TBC1D8: variants seen among roughly 807,000 people sequenced by gnomAD.
The protein encoded by TBC1D8 is TBC1 domain family member 8, also known as BUB2-like protein 1.
In TBC1D8, 65 loss-of-function variants were observed where a neutral mutation model predicts 118.8. The observed-to-expected ratio is 0.55, with a 90% CI of 0.45 to 0.67. TBC1D8 has a LOEUF of 0.67. Among genes scored for constraint, TBC1D8 ranks in the 30% least tolerant of loss-of-function variants. The pLI is 0.00. For missense variants in TBC1D8, 1,376 were observed against 1,471.2 expected, an observed-to-expected ratio of 0.94 and a Z score of 1.06; for synonymous variants, 566 against 595.8, an observed-to-expected ratio of 0.95 and a Z score of 0.73.
chr2:101,051,607 A>G (rs1203907631), intron 4 of TBC1D8, among the ~76,000 whole-genome samples: 1 of 152,206 alleles, frequency 6.6e-6, no homozygotes, highest in African/African-American at 2.4e-5. Flanking sequence ...ACACATTTAC[A>G]AGAAAAAAAC....
chr2:101,060,097 A>T (rs548041133), intron 2 of TBC1D8, among the ~76,000 whole-genome samples: 25 of 152,354 alleles, frequency 1.6e-4, no homozygotes, highest in African/African-American at 5.8e-4. Context: ...CAAGTGAGTT[A>T]CCGCTGGGAC....
chr2:101,078,908 G>GC (rs1675056762), intron 2 of TBC1D8, among the ~76,000 whole-genome samples: 1 of 151,996 alleles, frequency 6.6e-6, no homozygotes, highest in African/African-American at 2.4e-5. Context: ...ATCACTACCA[G>GC]CCCCAGGCAA....
At chr2:101,008,312 G>A (rs765994134) in intron 19 of TBC1D8, 39 bp from the exon 20 acceptor site, 3 of 1,456,272 alleles carry the variant, frequency 2.1e-6, no homozygotes, top group Admixed American at 5.2e-5. Flanking sequence ...GCAGAACCAG[G>A]GTGGAAGTGT....
intron 2 of TBC1D8, among the ~76,000 whole-genome samples, chr2:101,065,917 G>A (rs1476735801): frequency 6.6e-6 from 1 of 152,134 alleles, no homozygotes; most frequent in East Asian, 1.9e-4. Context: ...TGAAAAATCA[G>A]TAAGTAGAAA....
At chr2:101,028,538 A>C in intron 12 of TBC1D8, 106 bp from the exon 13 acceptor site, 2 of 1,426,360 alleles carry the variant, frequency 1.4e-6, no homozygotes, top group Non-Finnish European at 1.9e-6. Flanking sequence ...AAACACCAAC[A>C]CCTGGGAGGA....
Position 101,032,320 on chromosome 2 carries a change from C to CA in TBC1D8, c.1883dup (p.Leu628PhefsTer6). 6.2e-7 allele frequency: 1 copy of CA among 1,613,868 alleles called. No homozygotes were observed. The highest frequency in any genetic ancestry group is 8.5e-7 in the Non-Finnish European group (1 of 1,179,802). On this transcript the variant is annotated frameshift_variant, in exon 11 of 20. Coordinates refer to ENST00000409318, the MANE Select transcript of TBC1D8 (RefSeq NM_001330348.2). LOFTEE classifies it high-confidence loss of function. ...GCAGCATCCGCTCACACACAGCAAC[C>CA]AACAGCCAGAAGGCTTCCTCCTCCT...
intron 6 of TBC1D8, among the ~76,000 whole-genome samples, chr2:101,038,946 G>A (rs1180184534): frequency 6.6e-6 from 1 of 152,222 alleles, no homozygotes; most frequent in Non-Finnish European, 1.5e-5. Flanking sequence ...GAGCCCCGAG[G>A]GCATTATGCT....
chr2:101,136,972 A>T (rs373558100), intron 1 of TBC1D8, among the ~76,000 whole-genome samples: 1 of 151,540 alleles, frequency 6.6e-6, no homozygotes, highest in Non-Finnish European at 1.5e-5. Flanking sequence ...TCAAGCAAAC[A>T]CTGTTTTTCA....
At chr2:101,021,286 A>G (rs961559817) in intron 17 of TBC1D8, among the ~76,000 whole-genome samples, 1 of 152,214 alleles carries the variant, frequency 6.6e-6, no homozygotes, top group Non-Finnish European at 1.5e-5. Flanking sequence ...TGGAGAAAAC[A>G]TGGTCTGATG....
intron 14 of TBC1D8, 60 bp downstream of exon 14, chr2:101,027,988 C>T (rs945461008): frequency 6.1e-6 from 9 of 1,469,096 alleles, no homozygotes; most frequent in Middle Eastern, 1.7e-4. Context: ...AAAAAGGATG[C>T]GCACTCCCAG....
chr2:101,049,887 C>T (rs1048954721), intron 5 of TBC1D8, among the ~76,000 whole-genome samples: 2 of 150,984 alleles, frequency 1.3e-5, no homozygotes, highest in East Asian at 2.0e-4. Context: ...AGTGCAGTGA[C>T]GGCATCTCAG....
intron 1 of TBC1D8, among the ~76,000 whole-genome samples, chr2:101,095,990 C>T (rs1469661236): frequency 6.6e-6 from 1 of 152,202 alleles, no homozygotes; most frequent in African/African-American, 2.4e-5. Context: ...ACCACACCAA[C>T]AGGCTCCAGT....
intron 2 of TBC1D8, among the ~76,000 whole-genome samples, chr2:101,064,427 G>T (rs76929152): frequency 0.025 from 3,805 of 152,268 alleles, 169 homozygotes; most frequent in African/African-American, 0.087. Context: ...TGTGGAGGGG[G>T]ATGGAGGTGA....
intron 8 of TBC1D8, among the ~76,000 whole-genome samples, 170 bp from the exon 9 acceptor site, chr2:101,036,338 G>T (rs1419007375): frequency 6.6e-6 from 1 of 152,132 alleles, no homozygotes; most frequent in Non-Finnish European, 1.5e-5. Flanking sequence ...CCTTTACTGG[G>T]GGCACAGAGG....
intron 2 of TBC1D8, among the ~76,000 whole-genome samples, chr2:101,081,051 T>A (rs950107837): frequency 6.6e-6 from 1 of 152,208 alleles, no homozygotes; most frequent in Non-Finnish European, 1.5e-5. Context: ...ACTGGGATTA[T>A]GGGAGCAAGC....
At chr2:101,118,696 C>CAAAA (rs36069912) in intron 1 of TBC1D8, among the ~76,000 whole-genome samples, 1 of 80,566 alleles carries the variant, frequency 1.2e-5, no homozygotes. Context: ...AACTCCATCT[C>CAAAA]AAAAAAAAAA....
chr2:101,051,121 G>A lies in TBC1D8; in HGVS notation c.632-480C>T, dbSNP rs531504600. Among the ~76,000 whole-genome samples the A allele has an allele frequency of 5.3e-4, 81 of 152,290 alleles. 1 individual carries two copies. The highest frequency in any genetic ancestry group is 1.9e-3 in the African/African-American group (80 of 41,546). ...TTTTATGGCTGCATAGTATTCCATGGTGTACATGTGCCACATTTTCTTTAT... is the reference window on the plus strand; with the variant it reads ...TTTTATGGCTGCATAGTATTCCATGATGTACATGTGCCACATTTTCTTTAT... On this transcript the variant is annotated intron_variant, in intron 4 of 19. Transcript: ENST00000409318.
intron 1 of TBC1D8, 76 bp from the exon 2 acceptor site, chr2:101,090,440 T>C: frequency 1.3e-6 from 2 of 1,518,530 alleles, no homozygotes; most frequent in Non-Finnish European, 1.8e-6. Context: ...AGGCATGTGG[T>C]CGCTGTCTGG....
At chr2:101,054,850 T>G (rs1281737252) in intron 3 of TBC1D8, among the ~76,000 whole-genome samples, 1 of 150,620 alleles carries the variant, frequency 6.6e-6, no homozygotes, top group Non-Finnish European at 1.5e-5. Flanking sequence ...GCTGGGCTAA[T>G]TTTGTATTTT....
Sources: allele counts gnomAD v4.1 joint callset (sites outside exome capture counted in the v4.1 genomes callset), GRCh38; gene constraint gnomAD v4.1.1; transcripts MANE v1.5; gene names NCBI Gene and HGNC (gene_info 2026-07-23, HGNC 2026-07-21).